OR11A1: variants seen among roughly 807,000 people sequenced by gnomAD.
The protein encoded by OR11A1 is olfactory receptor 11A1.
For missense variants in OR11A1, 380 were observed against 378.2 expected, an observed-to-expected ratio of 1.00 and a Z score of -0.04; for synonymous variants, 158 against 152.2, an observed-to-expected ratio of 1.04 and a Z score of -0.28.
chr6:29,448,911 A>G (rs1286808745), intron 1 of OR11A1, among the ~76,000 whole-genome samples: 2 of 152,156 alleles, frequency 1.3e-5, no homozygotes, highest in Non-Finnish European at 2.9e-5. Context: ...ATGTATTTTT[A>G]ATGACTGGTG....
chr6:29,430,232 C>G (rs1783143584), intron 3 of OR11A1, 69 bp downstream of exon 3: 3 of 960,492 alleles, frequency 3.1e-6, no homozygotes, highest in Non-Finnish European at 3.7e-6. Flanking sequence ...TGCTGTTCTT[C>G]ATAGACTACA....
At chr6:29,441,129 A>G (rs907411320) in intron 1 of OR11A1, among the ~76,000 whole-genome samples, 4 of 152,188 alleles carry the variant, frequency 2.6e-5, no homozygotes, top group Non-Finnish European at 4.4e-5. Context: ...CCCTCACAAC[A>G]CATACATATT....
intron 1 of OR11A1, among the ~76,000 whole-genome samples, chr6:29,443,229 ATAT>A: frequency 5.3e-5 from 8 of 152,156 alleles, no homozygotes; most frequent in African/African-American, 1.9e-4. Flanking sequence ...CGAAATGAAC[ATAT>A]CCAGCCCCCG....
chr6:29,448,240 C>T (rs1394342920), intron 1 of OR11A1, among the ~76,000 whole-genome samples: 1 of 152,012 alleles, frequency 6.6e-6, no homozygotes, highest in African/African-American at 2.4e-5. Flanking sequence ...TGGTCTCGAT[C>T]TCTTGACCTC....
chr6:29,448,582 T>C (rs1237464504), intron 1 of OR11A1, among the ~76,000 whole-genome samples: 1 of 152,210 alleles, frequency 6.6e-6, no homozygotes, highest in Non-Finnish European at 1.5e-5. Flanking sequence ...TCTGTTTAAG[T>C]AGGCACCAAA....
At chr6:29,438,626 T>C (rs879729083) in intron 1 of OR11A1, among the ~76,000 whole-genome samples, 1 of 152,230 alleles carries the variant, frequency 6.6e-6, no homozygotes, top group Non-Finnish European at 1.5e-5. Flanking sequence ...GGATATATTC[T>C]TTGAAATGTT....
intron 1 of OR11A1, among the ~76,000 whole-genome samples, chr6:29,444,028 G>T (rs1459988350): frequency 6.6e-6 from 1 of 151,988 alleles, no homozygotes; most frequent in South Asian, 2.1e-4. Context: ...TGGTTATATG[G>T]TTTGGCTCTA....
intron 1 of OR11A1, among the ~76,000 whole-genome samples, chr6:29,452,155 A>G (rs772183002): frequency 6.6e-6 from 1 of 152,282 alleles, no homozygotes; most frequent in African/African-American, 2.4e-5. Context: ...AGAAAGTAAC[A>G]ATAGACACCA....
intron 1 of OR11A1, among the ~76,000 whole-genome samples, chr6:29,442,421 G>A (rs1023945281): frequency 1.3e-5 from 2 of 152,196 alleles, no homozygotes; most frequent in African/African-American, 4.8e-5. Context: ...ATAATTAAAA[G>A]TGCAATCTAC....
chr6:29,439,458 C>T (rs1220684439), intron 1 of OR11A1: 2 of 152,672 alleles, frequency 1.3e-5, no homozygotes, highest in Non-Finnish European at 2.9e-5. Context: ...CCTCCTTGAA[C>T]ACTGTGAAAT....
intron 1 of OR11A1, chr6:29,440,440 A>G (rs565662111): frequency 1.9e-6 from 3 of 1,614,028 alleles, no homozygotes. Flanking sequence ...GTGTGTCTAC[A>G]GCTAGCTGGG....
intron 1 of OR11A1, chr6:29,440,931 A>T (rs764474438): frequency 6.2e-7 from 1 of 1,611,202 alleles, no homozygotes; most frequent in African/African-American, 1.3e-5. Context: ...AACCATCCAG[A>T]AAACGGTGCC....
chr6:29,440,506 C>T (rs1386117473), intron 1 of OR11A1: 1 of 1,613,810 alleles, frequency 6.2e-7, no homozygotes, highest in Non-Finnish European at 8.5e-7. Context: ...TTCATCTTCT[C>T]TTTGCCCTTC....
In OR11A1 at chr6:29,428,971, T is replaced by G. The variant is rs1360405550; in HGVS notation, c.-139-11A>C. On this transcript the variant is annotated splice_polypyrimidine_tract_variant and intron_variant, in intron 3 of 4. Transcript: ENST00000377149. ...ATATGTGTTTATTAACTGAAGACAA[T>G]GAGAGAGAATACAGGGAATGATTAG... The G allele has an allele frequency of 1.1e-6, 1 of 943,200 alleles. No individual in the cohort carries two copies. The allele number at this position is 943,200 out of a possible 1,614,324, so 58.4% of individuals were successfully genotyped here. A position where few individuals can be genotyped will look rare whatever the true frequency, so the allele number is the denominator to read the frequency against.
At chr6:29,430,704 G>C (rs1414126344) in intron 2 of OR11A1, among the ~76,000 whole-genome samples, 3 of 152,124 alleles carry the variant, frequency 2.0e-5, no homozygotes, top group Non-Finnish European at 4.4e-5. Context: ...ATTACCTAAT[G>C]GGTATAATGC....
chr6:29,430,996 T>G (rs936039006), intron 2 of OR11A1, among the ~76,000 whole-genome samples: 1 of 152,162 alleles, frequency 6.6e-6, no homozygotes, highest in African/African-American at 2.4e-5. Context: ...AGGAAGAGTT[T>G]GAAATCAACA....
intron 1 of OR11A1, among the ~76,000 whole-genome samples, chr6:29,451,056 G>A (rs1785319341): frequency 6.6e-6 from 1 of 152,042 alleles, no homozygotes; most frequent in Admixed American, 6.6e-5. Context: ...CAGAAATAAT[G>A]CCGCACACCT....
chr6:29,444,871 T>C (rs758696136), intron 1 of OR11A1, among the ~76,000 whole-genome samples: 13 of 152,170 alleles, frequency 8.5e-5, no homozygotes, highest in African/African-American at 2.9e-4. Context: ...GAAATCCCAC[T>C]GCTCTGTCCC....
At chr6:29,455,871 T>C (rs1786101250) in intron 1 of OR11A1, among the ~76,000 whole-genome samples, 1 of 45,482 alleles carries the variant, frequency 2.2e-5, no homozygotes, top group Non-Finnish European at 4.4e-5. Flanking sequence ...ATGAGACTTG[T>C]CTCAAAAAAA....
Sources: allele counts gnomAD v4.1 joint callset (sites outside exome capture counted in the v4.1 genomes callset), GRCh38; gene constraint gnomAD v4.1.1; transcripts MANE v1.5; gene names NCBI Gene and HGNC (gene_info 2026-07-23, HGNC 2026-07-21).